Variants in GABRA2 observed in about 807,000 individuals in gnomAD.
GABRA2 encodes gamma-aminobutyric acid receptor subunit alpha-2.
In GABRA2, 16 loss-of-function variants were observed where a neutral mutation model predicts 48.7. The observed-to-expected ratio is 0.33, with a 90% CI of 0.22 to 0.50. The LOEUF (loss-of-function observed/expected upper bound fraction) is 0.50, where lower values mean the gene tolerates loss of function less well. Ranked by LOEUF, GABRA2 falls within the 20% of genes least tolerant of loss-of-function variation. The pLI, the probability that GABRA2 is intolerant of heterozygous loss-of-function variation, is 0.98. For missense variants in GABRA2, 275 were observed against 535.6 expected (o/e 0.51, Z 4.80); for synonymous variants, 185 against 184.5 (o/e 1.00, Z -0.02).
At chr4:46,345,027 G>C (rs1229896199) in intron 3 of GABRA2, among the ~76,000 whole-genome samples, 1 of 151,832 alleles carries the variant, frequency 6.6e-6, no homozygotes, top group African/African-American at 2.4e-5. Flanking sequence ...GGGACCTAGT[G>C]GGAGGTGATT....
At chr4:46,348,920 TATA>T (rs71652881) in intron 3 of GABRA2, among the ~76,000 whole-genome samples, 3,872 of 131,990 alleles carry the variant, frequency 0.029, 62 homozygotes, top group South Asian at 0.054. Flanking sequence ...AAACTTAAAG[TATA>T]ATAATAATAA....
chr4:46,283,617 C>T (rs1721951928), intron 8 of GABRA2, among the ~76,000 whole-genome samples: 1 of 152,174 alleles, frequency 6.6e-6, no homozygotes, highest in South Asian at 2.1e-4. Context: ...TTGAATTACT[C>T]TAAAATTGAT....
intron 8 of GABRA2, among the ~76,000 whole-genome samples, chr4:46,268,435 G>GA (rs1335060837): frequency 2.0e-5 from 3 of 151,720 alleles, no homozygotes; most frequent in South Asian, 2.1e-4. Context: ...ACAGATACAT[G>GA]AAAAAAATGG....
At chr4:46,378,936 T>A (rs950088502) in intron 3 of GABRA2, among the ~76,000 whole-genome samples, 6 of 152,176 alleles carry the variant, frequency 3.9e-5, no homozygotes, top group Admixed American at 3.9e-4. Context: ...CTATCTAATA[T>A]AATACATACC....
chr4:46,369,178 G>C (rs1714504894), intron 3 of GABRA2, among the ~76,000 whole-genome samples: 1 of 152,114 alleles, frequency 6.6e-6, no homozygotes, highest in Admixed American at 6.6e-5. Flanking sequence ...ACTTGACTGA[G>C]TGACATACAC....
At chr4:46,335,515 C>T (rs1335471416) in intron 3 of GABRA2, among the ~76,000 whole-genome samples, 1 of 152,040 alleles carries the variant, frequency 6.6e-6, no homozygotes. Context: ...CTCTTATTGC[C>T]CAGGCTGGAG....
At chr4:46,328,883 T>G (rs1014216649) in intron 4 of GABRA2, among the ~76,000 whole-genome samples, 2 of 152,096 alleles carry the variant, frequency 1.3e-5, no homozygotes, top group Admixed American at 6.6e-5. Context: ...AATATCAACA[T>G]GGAAATCATT....
intron 8 of GABRA2, among the ~76,000 whole-genome samples, chr4:46,265,279 A>G (rs1717896076): frequency 6.7e-6 from 1 of 148,160 alleles, no homozygotes; most frequent in South Asian, 2.1e-4. Flanking sequence ...CAAATGAGTG[A>G]TCCACCTGCC....
At chr4:46,355,879 C>G (rs1445937892) in intron 3 of GABRA2, among the ~76,000 whole-genome samples, 7 of 152,096 alleles carry the variant, frequency 4.6e-5, no homozygotes. Flanking sequence ...CACACCTCAT[C>G]AGGTTACATA....
chr4:46,363,994 C>T (rs1291065458), intron 3 of GABRA2: 3 of 152,084 alleles, frequency 2.0e-5, no homozygotes, highest in East Asian at 1.9e-4. Flanking sequence ...TTTTCTCTTG[C>T]GGAAGACTCA....
chr4:46,386,237 G>T (rs200554763), intron 2 of GABRA2, 48 bp from the exon 3 acceptor site: 1 of 1,124,170 alleles, frequency 8.9e-7, no homozygotes, highest in Non-Finnish European at 1.3e-6. Flanking sequence ...TGTGTGTTTT[G>T]CAAATGCCAA....
intron 8 of GABRA2, among the ~76,000 whole-genome samples, chr4:46,266,331 A>C (rs1359893442): frequency 6.8e-6 from 1 of 148,020 alleles, no homozygotes; most frequent in East Asian, 1.9e-4. Flanking sequence ...TAAATATAAA[A>C]TAAATTTATA....
intron 3 of GABRA2, among the ~76,000 whole-genome samples, chr4:46,342,973 T>C (rs1733535484): frequency 6.6e-6 from 1 of 152,068 alleles, no homozygotes; most frequent in African/African-American, 2.4e-5. Flanking sequence ...TGTTTATTCA[T>C]GTTTAACAAA....
chr4:46,262,805 G>A (rs1208803383), intron 8 of GABRA2, among the ~76,000 whole-genome samples: 2 of 152,148 alleles, frequency 1.3e-5, no homozygotes, highest in South Asian at 4.1e-4. Flanking sequence ...GGCTGAGGCA[G>A]GGAGTTGCTT....
rs1726128832 is a variant in GABRA2, at chr4:46,303,592, C to T, written c.724G>A (p.Ala242Thr). 1.2e-6 allele frequency: 2 copies of T among 1,613,366 alleles called. No individual in the cohort carries two copies. ...SSTGEYTVMT[A>T]HFHLKRKIGY... ...ATTTTTCTTTTCAGGTGGAAATGAG[C>T]TGTCATTACAGTATATTCACCTGGA... The change falls in exon 8 of 10, where the codon GCT (alanine) becomes ACT (threonine). Residue 242 changes from alanine to threonine, a missense_variant. By Grantham distance (58) the Ala-to-Thr change is moderately conservative. Transcript: ENST00000381620.
intron 6 of GABRA2, 36 bp downstream of exon 6, chr4:46,310,137 T>C: frequency 6.6e-7 from 1 of 1,515,454 alleles, no homozygotes; most frequent in Non-Finnish European, 9.2e-7. Flanking sequence ...CCTGATATTA[T>C]TGACCCAAAA....
intron 8 of GABRA2, among the ~76,000 whole-genome samples, chr4:46,299,949 T>A (rs575037935): frequency 6.6e-6 from 1 of 151,902 alleles, no homozygotes; most frequent in South Asian, 2.1e-4. Flanking sequence ...ATCTACTTCA[T>A]TGGAAAAATA....
At chr4:46,282,679 C>A (rs1577894510) in intron 8 of GABRA2, among the ~76,000 whole-genome samples, 1 of 152,170 alleles carries the variant, frequency 6.6e-6, no homozygotes, top group African/African-American at 2.4e-5. Flanking sequence ...GGCCATTTTG[C>A]AAAATGATTA....
Position 46,255,096 on chromosome 4 carries a change from A to ATCTTTT in GABRA2, c.1060-4498_1060-4493dup, listed in dbSNP as rs574391270. 8.6e-5 allele frequency among the ~76,000 whole-genome samples: 13 copies of ATCTTTT among 151,674 alleles called. No homozygotes were observed. The East Asian group carries it at 2.3e-3, about 27-fold the overall frequency. ...TGCCTCTATAATGAAACATGTATGT[A>ATCTTTT]TCTTTTTCACTTTTGTTTTCCTTTC... On this transcript the variant is annotated intron_variant, in intron 9 of 9. Transcript: ENST00000381620.
Sources: gnomAD v4.1 joint callset for allele counts (sites outside exome capture counted in the v4.1 genomes callset) on GRCh38, gnomAD v4.1.1 for gene constraint, MANE v1.5 for transcripts, NCBI Gene and HGNC (gene_info 2026-07-23, HGNC 2026-07-21) for gene names.